The following TMCC1 variants were observed in gnomAD, a reference collection of about 807,000 sequenced individuals.
The protein encoded by TMCC1 is transmembrane and coiled-coil domains protein 1.
Under a neutral mutation model 52.4 loss-of-function variants are expected in TMCC1, and 15 were observed. The ratio of observed to expected loss-of-function variants is 0.29; its 90% confidence interval spans 0.19 to 0.44. TMCC1 has a LOEUF of 0.44. Among genes scored for constraint, TMCC1 ranks in the 20% least tolerant of loss-of-function variants. The pLI, the probability that TMCC1 is intolerant of heterozygous loss-of-function variation, is 1.00. For synonymous variants in TMCC1, 279 were observed against 301.9 expected (o/e 0.92, Z 0.79); for missense variants, 503 against 806.0 (o/e 0.62, Z 4.55).
intron 4 of TMCC1, among the ~76,000 whole-genome samples, chr3:129,700,774 C>CAA (rs568879021): frequency 7.0e-5 from 7 of 99,630 alleles, no homozygotes; most frequent in Admixed American, 3.1e-4. Context: ...TGCGCCCAGC[C>CAA]AAAAAAAAAA....
At chr3:129,758,109 A>G (rs137919413) in intron 4 of TMCC1, among the ~76,000 whole-genome samples, 228 of 152,344 alleles carry the variant, frequency 1.5e-3, no homozygotes, top group Non-Finnish European at 2.6e-3. Context: ...AACTATACAT[A>G]AACACTGTAT....
At chr3:129,784,552 C>T (rs1332563224) in intron 4 of TMCC1, among the ~76,000 whole-genome samples, 2 of 144,608 alleles carry the variant, frequency 1.4e-5, no homozygotes, top group African/African-American at 2.6e-5. Context: ...GGTGACAGAG[C>T]GAGACTCCGT....
chr3:129,771,159 T>C (rs2054549128), intron 4 of TMCC1, among the ~76,000 whole-genome samples: 1 of 152,156 alleles, frequency 6.6e-6, no homozygotes, highest in Admixed American at 6.5e-5. Flanking sequence ...CATCTGGTCT[T>C]GGCATAAAGA....
At chr3:129,889,681 A>T (rs1166539046) in intron 1 of TMCC1, among the ~76,000 whole-genome samples, 1 of 152,236 alleles carries the variant, frequency 6.6e-6, no homozygotes, top group East Asian at 1.9e-4. Flanking sequence ...TACTCAGTGC[A>T]TCTAGGACAC....
At chr3:129,794,399 A>C (rs905949059) in intron 4 of TMCC1, 3 of 455,858 alleles carry the variant, frequency 6.6e-6, no homozygotes, top group Non-Finnish European at 1.3e-5. Context: ...GCAATCCACG[A>C]AGGGTTTTTT....
Position 129,818,097 on chromosome 3 carries a change from A to G in TMCC1, c.576+9706T>C, listed in dbSNP as rs187579010. Reference sequence around the variant, plus strand: ...AGTGCTGGGATTACAGTCGTGAGCCACCGTGCCAGGCCTTTTTTGTATTGT... The same window carrying G: ...AGTGCTGGGATTACAGTCGTGAGCCGCCGTGCCAGGCCTTTTTTGTATTGT... On this transcript the variant is annotated intron_variant, in intron 4 of 6. Transcript: ENST00000393238. Among the ~76,000 whole-genome samples the G allele has an allele frequency of 1.6e-4, 24 of 151,908 alleles. 1 individual carries two copies. The East Asian group carries it at 2.9e-3, about 18-fold the overall frequency.
intron 2 of TMCC1, among the ~76,000 whole-genome samples, chr3:129,834,858 T>C (rs901816337): frequency 1.3e-5 from 2 of 152,144 alleles, no homozygotes; most frequent in Non-Finnish European, 2.9e-5. Context: ...ACGAGTACAA[T>C]CATCCAATTC....
chr3:129,651,867 G>C lies in TMCC1; in HGVS notation c.1648-72C>G. 1 of 1,503,200 alleles carries C rather than the reference G, an allele frequency of 6.7e-7. No individual in the cohort carries two copies. The highest frequency in any genetic ancestry group is 8.9e-7 in the Non-Finnish European group (1 of 1,122,478). 93.1% of individuals were successfully genotyped at this position (1,503,200 alleles called of 1,614,324 possible). ...TCTGAGATGCTGACATGCCCCCTGG[G>C]CAAGCCAGATGCATCTTGAGCAATG... On this transcript the variant is annotated intron_variant, in intron 6 of 6. Transcript: ENST00000393238. The surrounding 1 kb of genome is among the most constrained non-coding windows in gnomAD (Gnocchi z 5.1).
intron 4 of TMCC1, among the ~76,000 whole-genome samples, chr3:129,763,317 C>T (rs969169976): frequency 6.0e-5 from 9 of 149,172 alleles, no homozygotes; most frequent in South Asian, 2.2e-4. Context: ...CCGAAGGGGA[C>T]GGATCACTTG....
At chr3:129,860,298 G>C (rs1200155613) in intron 2 of TMCC1, among the ~76,000 whole-genome samples, 1 of 151,664 alleles carries the variant, frequency 6.6e-6, no homozygotes, top group African/African-American at 2.4e-5. Flanking sequence ...TCAAACTCCT[G>C]AGCTCCAGCA....
intron 2 of TMCC1, among the ~76,000 whole-genome samples, chr3:129,854,919 A>G (rs2060084522): frequency 6.6e-6 from 1 of 152,216 alleles, no homozygotes; most frequent in South Asian, 2.1e-4. Flanking sequence ...TTTTTGCCCC[A>G]CATAATATCC....
intron 1 of TMCC1, among the ~76,000 whole-genome samples, chr3:129,885,250 AAAG>A (rs1300583420): frequency 6.6e-6 from 1 of 152,170 alleles, no homozygotes; most frequent in East Asian, 1.9e-4. Flanking sequence ...CAAACTGGCA[AAAG>A]AAGAAAACTT....
chr3:129,731,941 G>T (rs2050580867), intron 4 of TMCC1, among the ~76,000 whole-genome samples: 1 of 152,164 alleles, frequency 6.6e-6, no homozygotes, highest in Non-Finnish European at 1.5e-5. Flanking sequence ...ATGTTTTAAA[G>T]AATCTCTAGA....
At chr3:129,655,746 G>T (rs1240474756) in intron 5 of TMCC1, among the ~76,000 whole-genome samples, 1 of 152,186 alleles carries the variant, frequency 6.6e-6, no homozygotes, top group African/African-American at 2.4e-5. Context: ...TCTAAGGAGT[G>T]GGGGAGGCAA....
intron 2 of TMCC1, among the ~76,000 whole-genome samples, chr3:129,876,219 C>G (rs1477087646): frequency 2.0e-5 from 3 of 150,442 alleles, no homozygotes; most frequent in Non-Finnish European, 3.0e-5. Flanking sequence ...TTGAACACAA[C>G]CTGCTAACTG....
At chr3:129,768,552 A>G (rs2054305948) in intron 4 of TMCC1, among the ~76,000 whole-genome samples, 1 of 152,146 alleles carries the variant, frequency 6.6e-6, no homozygotes, top group African/African-American at 2.4e-5. Context: ...TGAGAAACTT[A>G]AACCATCCAT....
chr3:129,819,879 T>C (rs1323596163), intron 4 of TMCC1: 2 of 152,064 alleles, frequency 1.3e-5, no homozygotes, highest in Admixed American at 6.6e-5. Context: ...ATATTTTTTA[T>C]GGACGTTGGG....
At chr3:129,698,463 A>C (rs933636509) in intron 4 of TMCC1, among the ~76,000 whole-genome samples, 1 of 152,214 alleles carries the variant, frequency 6.6e-6, no homozygotes. Flanking sequence ...ACCATATCAC[A>C]ATGTAAATGA....
chr3:129,793,782 A>C (rs1235100611), intron 4 of TMCC1, among the ~76,000 whole-genome samples: 1 of 152,196 alleles, frequency 6.6e-6, no homozygotes, highest in Non-Finnish European at 1.5e-5. Context: ...AACTCTGTAA[A>C]AACTGCTTTG....
Sources: gnomAD v4.1 joint callset for allele counts (sites outside exome capture counted in the v4.1 genomes callset) on GRCh38, gnomAD v4.1.1 for gene constraint, Gnocchi (gnomAD v3.1) non-coding constraint, MANE v1.5 for transcripts, NCBI Gene and HGNC (gene_info 2026-07-23, HGNC 2026-07-21) for gene names.